KDM3B: variants seen among roughly 807,000 people sequenced by gnomAD.
KDM3B encodes lysine demethylase 3B, also known as lysine-specific demethylase 3B.
A neutral mutation model predicts 170.0 loss-of-function variants in KDM3B; 10 were observed. That is an observed-to-expected ratio of 0.06 (90% confidence interval 0.04 to 0.10). The LOEUF is 0.10. Among genes scored for constraint, KDM3B ranks in the 10% least tolerant of loss-of-function variants. The pLI is 1.00. For synonymous variants in KDM3B, 831 were observed against 834.8 expected, an observed-to-expected ratio of 1.00 and a Z score of 0.08; for missense variants, 1,394 against 2,195.2, an observed-to-expected ratio of 0.64 and a Z score of 7.29.
intron 3 of KDM3B, among the ~76,000 whole-genome samples, chr5:138,375,932 C>T (rs1761987656): frequency 1.3e-5 from 2 of 152,214 alleles, no homozygotes; most frequent in Admixed American, 1.3e-4. Context: ...CTGCCTTGGC[C>T]TCCCAAAGTG....
chr5:138,362,551 T>TACACACACACACAC (rs370412367), intron 1 of KDM3B, among the ~76,000 whole-genome samples: 2 of 124,684 alleles, frequency 1.6e-5, no homozygotes, highest in African/African-American at 5.5e-5. Context: ...TATATGTGTA[T>TACACACACACACAC]ACACACACAC....
intron 1 of KDM3B, among the ~76,000 whole-genome samples, chr5:138,362,906 A>G (rs1001693237): frequency 3.3e-5 from 5 of 149,920 alleles, no homozygotes; most frequent in East Asian, 1.9e-4. Flanking sequence ...AATTATTTCT[A>G]TAATTTTATA....
At chr5:138,377,034 A>T (rs1295336156) in intron 3 of KDM3B, among the ~76,000 whole-genome samples, 2 of 152,186 alleles carry the variant, frequency 1.3e-5, no homozygotes, top group African/African-American at 2.4e-5. Flanking sequence ...GTCTTCTGTG[A>T]GATGTTAATT....
chr5:138,386,257 C>T lies in KDM3B; in HGVS notation c.1016C>T (p.Ala339Val). ...GGAGAGCCAGGGCTGGATCAGAGAG[C>T]CAAGCAGCCACCGTCTACATTTGTC... is the stretch of plus-strand genomic sequence containing the variant. ...ASGEPGLDQR[A>V]KQPPSTFVPQ... The change falls in exon 7 of 24, where the codon GCC (alanine) becomes GTC (valine). Residue 339 changes from alanine (A) to valine (V), a missense_variant. Physicochemically the swap from Ala to Val is moderately conservative, Grantham distance 64. This residue lies in a region of KDM3B where 205 missense variants were observed against 227.6 expected (regional missense o/e 0.90). Coordinates refer to ENST00000314358, the MANE Select transcript of KDM3B (RefSeq NM_016604.4). 1 of 1,614,154 alleles carries T rather than the reference C, an allele frequency of 6.2e-7. No homozygotes were observed. Among genetic ancestry groups the T allele is most frequent in the East Asian group, 2.2e-5 (1 of 44,876 alleles).
At chr5:138,420,324 G>A (rs1407887751) in intron 14 of KDM3B, among the ~76,000 whole-genome samples, 2 of 152,172 alleles carry the variant, frequency 1.3e-5, no homozygotes, top group Admixed American at 1.3e-4. Flanking sequence ...CCTGTGTCCC[G>A]CCCAGAACTA....
At chr5:138,360,296 T>C (rs915335148) in intron 1 of KDM3B, among the ~76,000 whole-genome samples, 12 of 152,228 alleles carry the variant, frequency 7.9e-5, no homozygotes, top group African/African-American at 2.7e-4. Flanking sequence ...TTAATGTAAA[T>C]AGAATATGTT....
chr5:138,353,049 C>CG (rs1442065904), intron 1 of KDM3B, 62 bp downstream of exon 1: 1 of 337,544 alleles, frequency 3.0e-6, no homozygotes, highest in Non-Finnish European at 3.9e-6. Context: ...GCGGCCTCCC[C>CG]GGGGGCCTTT....
At chr5:138,355,188 G>T (rs1412613926) in intron 1 of KDM3B, among the ~76,000 whole-genome samples, 3 of 152,218 alleles carry the variant, frequency 2.0e-5, no homozygotes, top group Non-Finnish European at 4.4e-5. Context: ...TTATGTTTAA[G>T]ATGTTTTCAG....
intron 11 of KDM3B, among the ~76,000 whole-genome samples, chr5:138,402,253 A>G (rs1167750834): frequency 2.0e-5 from 3 of 152,148 alleles, no homozygotes; most frequent in Non-Finnish European, 4.4e-5. Flanking sequence ...AAAAATGTCT[A>G]TTCAAATTAT....
chr5:138,435,662 A>T lies in KDM3B; in HGVS notation c.5248A>T (p.Thr1750Ser). 1 of 1,613,900 alleles carries T rather than the reference A, an allele frequency of 6.2e-7. No homozygotes were observed. The highest frequency in any genetic ancestry group is 8.5e-7 in the Non-Finnish European group (1 of 1,179,918). Residue 1750 changes from threonine to serine, a missense_variant, in exon 24 of 24, where the codon ACC (threonine) becomes TCC (serine). Around this residue, in one of 19 missense-constraint regions of KDM3B, gnomAD observed 79 missense variants for 270.5 expected, o/e 0.29. Transcript: ENST00000314358. ...IYHAVKDAVG[T>S]LKAHESKLAR... ...CCATGCAGTGAAAGATGCGGTTGGC[A>T]CCCTCAAGGCTCATGAATCCAAACT...
Position 138,363,920 on chromosome 5 carries a change from T to C in KDM3B, c.193-8754T>C, listed in dbSNP as rs1761679538. Among the ~76,000 whole-genome samples the C allele has an allele frequency of 2.0e-5, 3 of 151,252 alleles. No individual in the cohort carries two copies. The South Asian group carries it at 6.3e-4, about 32-fold the overall frequency. On this transcript the variant is annotated intron_variant, in intron 1 of 23. Transcript: ENST00000314358. ...GTTATTCTATTTAGTTTTTCTTTTT[T>C]TTTTTTTTTCGAGATGGAGTCTCAC...
intron 7 of KDM3B, among the ~76,000 whole-genome samples, chr5:138,388,313 T>G (rs1218492167): frequency 6.6e-6 from 1 of 151,942 alleles, no homozygotes; most frequent in East Asian, 1.9e-4. Context: ...TCTGTTTGGT[T>G]CTTCTTCTAG....
intron 9 of KDM3B, among the ~76,000 whole-genome samples, chr5:138,397,475 T>C (rs1762576518): frequency 6.6e-6 from 1 of 152,162 alleles, no homozygotes; most frequent in Non-Finnish European, 1.5e-5. Context: ...ACCACTGTGC[T>C]CCAGCCTGGG....
intron 20 of KDM3B, 145 bp from the exon 21 acceptor site, chr5:138,429,681 A>C: frequency 1.3e-6 from 1 of 799,876 alleles, no homozygotes; most frequent in Non-Finnish European, 2.0e-6. Flanking sequence ...GGGAGCTTAG[A>C]CCAGTATCAA....
chr5:138,366,783 G>A (rs1457323935), intron 1 of KDM3B, among the ~76,000 whole-genome samples: 1 of 152,244 alleles, frequency 6.6e-6, no homozygotes, highest in Non-Finnish European at 1.5e-5. Flanking sequence ...AAAAGATATA[G>A]TGGGCATTGG....
chr5:138,404,924 A>T (rs1762778030), intron 11 of KDM3B, among the ~76,000 whole-genome samples: 1 of 150,566 alleles, frequency 6.6e-6, no homozygotes, highest in Non-Finnish European at 1.5e-5. Flanking sequence ...TTTAGTAGAG[A>T]CAGTGTTTCG....
At chr5:138,385,822 CTA>C (rs1244638360) in intron 6 of KDM3B, among the ~76,000 whole-genome samples, 198 bp from the exon 7 acceptor site, 1 of 152,160 alleles carries the variant, frequency 6.6e-6, no homozygotes, top group Non-Finnish European at 1.5e-5. Context: ...CCTCTAGTAA[CTA>C]TTATCTTGAA....
chr5:138,385,553 A>G (rs1012851893), intron 6 of KDM3B, among the ~76,000 whole-genome samples: 2 of 152,220 alleles, frequency 1.3e-5, no homozygotes, highest in Non-Finnish European at 1.5e-5. Flanking sequence ...TCCTTTGGTC[A>G]CAGACTCACA....
chr5:138,366,853 G>C (rs934158637), intron 1 of KDM3B, among the ~76,000 whole-genome samples: 1 of 152,114 alleles, frequency 6.6e-6, no homozygotes, highest in Non-Finnish European at 1.5e-5. Flanking sequence ...ATAAACAAAC[G>C]AAAGAACACT....
Sources: gnomAD v4.1 joint callset for allele counts (sites outside exome capture counted in the v4.1 genomes callset) on GRCh38, gnomAD v4.1.1 for gene constraint, gnomAD v4.1.1 regional missense constraint, MANE v1.5 for transcripts, NCBI Gene and HGNC (gene_info 2026-07-23, HGNC 2026-07-21) for gene names.